ZNF410: variants seen among roughly 807,000 people sequenced by gnomAD.
The protein encoded by ZNF410 is zinc finger protein 410.
ZNF410 carries 18 observed loss-of-function variants against 54.8 expected under a neutral mutation model. The ratio of observed to expected loss-of-function variants is 0.33; its 90% CI spans 0.23 to 0.49. The LOEUF (loss-of-function observed/expected upper bound fraction) is 0.49, where lower values mean the gene tolerates loss of function less well. Ranked by LOEUF, ZNF410 falls within the 20% of genes least tolerant of loss-of-function variation. The pLI is 0.99. For missense variants in ZNF410, 405 were observed against 569.6 expected (o/e 0.71, Z 2.94); for synonymous variants, 191 against 207.3 (o/e 0.92, Z 0.68).
In ZNF410 at chr14:73,922,131, A is replaced by G. The variant is rs1461132614; in HGVS notation, c.1195A>G (p.Met399Val). The G allele has an allele frequency of 5.0e-6, 8 of 1,614,054 alleles. No individual in the cohort carries two copies. The highest frequency in any genetic ancestry group is 3.3e-5 in the Admixed American group (2 of 60,010). The change falls in exon 10 of 12, where the codon ATG becomes GTG. Residue 399 changes from methionine to valine, a missense_variant. This residue lies in a region of ZNF410 where 127 missense variants were observed against 141.3 expected (regional missense o/e 0.90). Transcript: ENST00000555044. ...ASVPSKNLVS[M>V]NSQPSLGGES... ...AGTACCCAGTAAAAACCTGGTGTCT[A>G]TGAATTCCCAGCCCAGCCTTGGTGG...
intron 7 of ZNF410, among the ~76,000 whole-genome samples, chr14:73,906,680 T>C (rs1475593958): frequency 2.0e-5 from 3 of 152,156 alleles, no homozygotes; most frequent in Non-Finnish European, 4.4e-5. Flanking sequence ...GGTTTTGCCA[T>C]GTTGGCCAGG....
intron 7 of ZNF410, among the ~76,000 whole-genome samples, chr14:73,905,966 C>T (rs2018283): frequency 0.17 from 11,407 of 65,660 alleles, 969 homozygotes; most frequent in East Asian, 0.42. Flanking sequence ...CACACACACA[C>T]ACATATATAT....
At chr14:73,917,302 AATAT>A (rs1400081740) in intron 8 of ZNF410, among the ~76,000 whole-genome samples, 2 of 152,212 alleles carry the variant, frequency 1.3e-5, no homozygotes, top group Non-Finnish European at 2.9e-5. Context: ...TCATTGTTTT[AATAT>A]ATCACCAGCT....
chr14:73,907,678 G>C (rs2055511574), intron 7 of ZNF410, among the ~76,000 whole-genome samples: 2 of 152,014 alleles, frequency 1.3e-5, no homozygotes, highest in Non-Finnish European at 2.9e-5. Flanking sequence ...GATCACCTGA[G>C]GTCAGGAGTT....
At chr14:73,900,821 CA>C (rs2055394411) in intron 5 of ZNF410, among the ~76,000 whole-genome samples, 1 of 152,246 alleles carries the variant, frequency 6.6e-6, no homozygotes, top group Non-Finnish European at 1.5e-5. Context: ...TTTCTTAAAA[CA>C]TTATGAGATT....
At chr14:73,915,308 G>A (rs1252143934) in intron 8 of ZNF410, among the ~76,000 whole-genome samples, 2 of 148,688 alleles carry the variant, frequency 1.3e-5, no homozygotes, top group Non-Finnish European at 1.5e-5. Flanking sequence ...CTTTTTCCCA[G>A]TCTTAGGGGA....
rs1006872187 is a variant in ZNF410 at position 73,896,380 on chromosome 14, T to C, written c.234T>C (p.Leu78=). The change falls in exon 4 of 12, where the codon CTT becomes CTC. Residue 78 remains leucine, a synonymous_variant. Coordinates refer to ENST00000555044, the MANE Select transcript of ZNF410 (RefSeq NM_021188.3). ...CTTCCTCAGCTGTTTTGAGAAGCCT[T>C]CGGGTGAATGTGGGTCCAGACGGAG... ...EVPSSAVLRS[L]RVNVGPDGEE... 6.2e-7 allele frequency: 1 copy of C among 1,614,018 alleles called. No individual in the cohort carries two copies. Among genetic ancestry groups the C allele is most frequent in the Non-Finnish European group, 8.5e-7 (1 of 1,180,034 alleles).
intron 7 of ZNF410, among the ~76,000 whole-genome samples, chr14:73,908,130 C>T (rs978460194): frequency 4.6e-5 from 7 of 152,076 alleles, no homozygotes; most frequent in African/African-American, 1.7e-4. Context: ...TTAACAGACC[C>T]CAAAGGCCAT....
chr14:73,897,909 T>G (rs944719855), intron 4 of ZNF410, among the ~76,000 whole-genome samples, 162 bp from the exon 5 acceptor site: 6 of 146,126 alleles, frequency 4.1e-5, no homozygotes, highest in Admixed American at 7.0e-5. Flanking sequence ...GAAGCGGAGG[T>G]TGCAGTAAGC....
chr14:73,917,814 C>T (rs1399496473), intron 8 of ZNF410, among the ~76,000 whole-genome samples: 1 of 152,042 alleles, frequency 6.6e-6, no homozygotes, highest in Non-Finnish European at 1.5e-5. Context: ...CAGAGTGAGA[C>T]TCCATCTAAA....
Position 73,904,125 on chromosome 14 carries a change from G to T in ZNF410, c.731+15G>T. ...AAGACTCATCGGTGAGCAAATCCGA[G>T]ATCTCATATTTGGATATACGTTGAT... is the stretch of plus-strand genomic sequence containing the variant. On this transcript the variant is annotated intron_variant, in intron 6 of 11. Transcript: ENST00000555044. 2 of 1,610,656 alleles carry T rather than the reference G, an allele frequency of 1.2e-6. No individual in the cohort carries two copies. The highest frequency in any genetic ancestry group is 8.5e-7 in the Non-Finnish European group (1 of 1,178,286).
At chr14:73,911,411 A>T (rs1186818265) in intron 8 of ZNF410, among the ~76,000 whole-genome samples, 1 of 152,216 alleles carries the variant, frequency 6.6e-6, no homozygotes, top group African/African-American at 2.4e-5. Flanking sequence ...CAGCAGGAGC[A>T]AGGAAGTTGG....
chr14:73,903,318 A>G (rs1352586201), intron 5 of ZNF410, among the ~76,000 whole-genome samples: 1 of 152,158 alleles, frequency 6.6e-6, no homozygotes, highest in Non-Finnish European at 1.5e-5. Flanking sequence ...CTTCTCCACC[A>G]AACTGTGTAA....
At chr14:73,919,089 T>C (rs1195423349) in intron 8 of ZNF410, among the ~76,000 whole-genome samples, 3 of 133,730 alleles carry the variant, frequency 2.2e-5, no homozygotes, top group Non-Finnish European at 3.1e-5. Flanking sequence ...CACTGCAACT[T>C]CCACCTCCTG....
chr14:73,908,687 T>C (rs1467093852), intron 7 of ZNF410, among the ~76,000 whole-genome samples: 3 of 152,234 alleles, frequency 2.0e-5, no homozygotes, highest in Non-Finnish European at 4.4e-5. Context: ...TGAAATTTCC[T>C]TCCATCCTTG....
chr14:73,896,537 ATTC>A lies in ZNF410; in HGVS notation c.388+6_388+8del, dbSNP rs1430788206. On this transcript the variant is annotated splice_donor_5th_base_variant and intron_variant, in intron 4 of 11. Transcript: ENST00000555044. ...TCTTCTTAACCTAACAAGAGCAGGT[ATTC>A]TTTCCTTTTTTTTGGGCTCTGCTTA... 6.2e-7 allele frequency: 1 copy of A among 1,612,566 alleles called. No homozygotes were observed. Among genetic ancestry groups the A allele is most frequent in the East Asian group, 2.2e-5 (1 of 44,878 alleles).
chr14:73,916,703 G>A (rs2055672541), intron 8 of ZNF410: 1 of 152,152 alleles, frequency 6.6e-6, no homozygotes. Context: ...GCAGGGCGCA[G>A]TGGTTTATGC....
rs2055825588 is a variant in ZNF410 at position 73,926,088 on chromosome 14, T to TG, written c.1398+2566_1398+2567insG. ...TGTTCTTGTTTTATCTCTTTCCTCCTTTTGTTGTTGTTGCTGTTTATGATG... is the reference window on the plus strand; with the variant it reads ...TGTTCTTGTTTTATCTCTTTCCTCCTGTTTGTTGTTGTTGCTGTTTATGATG... On this transcript the variant is annotated intron_variant, in intron 11 of 11. Coordinates refer to ENST00000555044, the MANE Select transcript of ZNF410 (RefSeq NM_021188.3). Among the ~76,000 whole-genome samples the TG allele has an allele frequency of 1.1e-4, 17 of 152,284 alleles. No homozygotes were observed. The South Asian group carries it at 3.1e-3, about 28-fold the overall frequency.
At chr14:73,891,589 A>G (rs1220378580) in intron 1 of ZNF410, among the ~76,000 whole-genome samples, 1 of 152,134 alleles carries the variant, frequency 6.6e-6, no homozygotes, top group Non-Finnish European at 1.5e-5. Flanking sequence ...ATTGACCTCA[A>G]GTGATCCACC....
Sources: gnomAD v4.1 joint callset for allele counts (sites outside exome capture counted in the v4.1 genomes callset) on GRCh38, gnomAD v4.1.1 for gene constraint, gnomAD v4.1.1 regional missense constraint, MANE v1.5 for transcripts, NCBI Gene and HGNC (gene_info 2026-07-23, HGNC 2026-07-21) for gene names.